MED23: variants seen among roughly 807,000 people sequenced by gnomAD.
The protein encoded by MED23 is mediator of RNA polymerase II transcription subunit 23.
A neutral mutation model predicts 163.9 loss-of-function variants in MED23; 105 were observed. The observed-to-expected ratio is 0.64, with a 90% CI of 0.55 to 0.75. MED23 has a LOEUF of 0.75. MED23 is among the 30% of genes least tolerant of loss of function. The pLI is 0.00. For missense variants in MED23, 1,054 were observed against 1,649.0 expected (o/e 0.64, Z 6.25); for synonymous variants, 561 against 565.6 (o/e 0.99, Z 0.12).
chr6:131,625,504 T>C (rs1777420050), intron 3 of MED23, among the ~76,000 whole-genome samples: 1 of 152,190 alleles, frequency 6.6e-6, no homozygotes, highest in African/African-American at 2.4e-5. Context: ...CAAAATGTTG[T>C]GCCCGTATCA....
intron 11 of MED23, among the ~76,000 whole-genome samples, chr6:131,608,480 T>C (rs1013559910): frequency 6.6e-6 from 1 of 152,186 alleles, no homozygotes; most frequent in African/African-American, 2.4e-5. Context: ...AAAGGATTTT[T>C]TTTTTTTAAT....
At position 131,598,543 on chromosome 6, in the gene MED23, G is replaced by GT. The variant is rs1562379201; in HGVS notation, c.2426+12dup. ...ATTTGCCAAATGGAATGCAAATTAG[G>GT]TTTTTGACTTACCTATAGCCAATCT... is the stretch of plus-strand genomic sequence containing the variant. On this transcript the variant is annotated intron_variant, in intron 19 of 28. Coordinates refer to ENST00000368068, the MANE Select transcript of MED23 (RefSeq NM_004830.4). The surrounding 1 kb of genome is among the most constrained non-coding windows in gnomAD (Gnocchi z 4.7). 2 of 1,613,970 alleles carry GT rather than the reference G, an allele frequency of 1.2e-6. No individual in the cohort carries two copies. The highest frequency in any genetic ancestry group is 1.3e-5 in the African/African-American group (1 of 75,030).
intron 5 of MED23, among the ~76,000 whole-genome samples, chr6:131,622,224 C>A (rs1777164060): frequency 6.6e-6 from 1 of 152,060 alleles, no homozygotes; most frequent in African/African-American, 2.4e-5. Context: ...GCTTTTTTGG[C>A]CCTCATAACA....
chr6:131,578,635 GT>G (rs1278118729), intron 30 of MED23, among the ~76,000 whole-genome samples: 2 of 152,112 alleles, frequency 1.3e-5, no homozygotes, highest in Non-Finnish European at 2.9e-5. Flanking sequence ...GTGTCTGTGT[GT>G]GTGTGTATCT....
chr6:131,617,411 T>C (rs1375688220), intron 9 of MED23, among the ~76,000 whole-genome samples: 5 of 151,228 alleles, frequency 3.3e-5, no homozygotes, highest in Non-Finnish European at 5.9e-5. Flanking sequence ...TAAAAGACTA[T>C]GCTATTGTAA....
intron 3 of MED23, among the ~76,000 whole-genome samples, chr6:131,625,265 C>T (rs893813780): frequency 6.6e-6 from 1 of 152,138 alleles, no homozygotes; most frequent in African/African-American, 2.4e-5. Flanking sequence ...AACATATTAA[C>T]GGTCAATAGA....
At chr6:131,590,618 C>T (rs918559512) in intron 26 of MED23, among the ~76,000 whole-genome samples, 176 bp from the exon 27 acceptor site, 2 of 152,204 alleles carry the variant, frequency 1.3e-5, no homozygotes, top group Admixed American at 6.5e-5. Context: ...ATTACTTTCA[C>T]TTGATTATTT....
intron 10 of MED23, among the ~76,000 whole-genome samples, chr6:131,612,980 T>C (rs928780088): frequency 7.9e-5 from 12 of 152,162 alleles, no homozygotes; most frequent in Non-Finnish European, 2.9e-5. Flanking sequence ...ATTTCAGTGA[T>C]GTAAATAAAT....
intron 3 of MED23, among the ~76,000 whole-genome samples, chr6:131,625,860 T>C (rs1212480297): frequency 6.6e-6 from 1 of 151,978 alleles, no homozygotes; most frequent in Admixed American, 6.5e-5. Context: ...CGGTGGCTCA[T>C]GCCTGTAATC....
downstream of MED23, chr6:131,584,279 C>T (rs1774089744): frequency 4.7e-6 from 1 of 210,946 alleles, no homozygotes; most frequent in Admixed American, 5.4e-5. Context: ...TACTATGTGT[C>T]CATGTCATTC....
chr6:131,614,988 T>C (rs1585544793), intron 10 of MED23, among the ~76,000 whole-genome samples: 1 of 125,668 alleles, frequency 8.0e-6, no homozygotes, highest in South Asian at 2.4e-4. Flanking sequence ...TAGGAAAAAG[T>C]AAATGGAGTG....
At chr6:131,580,278 C>A (rs142919558) in intron 30 of MED23, among the ~76,000 whole-genome samples, 1 of 152,242 alleles carries the variant, frequency 6.6e-6, no homozygotes, top group Non-Finnish European at 1.5e-5. Flanking sequence ...AACTGAGGCT[C>A]GCTTTCTTTG....
intron 15 of MED23, 110 bp downstream of exon 15, chr6:131,604,068 C>T (rs1263294920): frequency 1.3e-5 from 14 of 1,048,720 alleles, no homozygotes; most frequent in Non-Finnish European, 1.6e-5. Flanking sequence ...CCTCCATAAG[C>T]TCCATCATGG....
At chr6:131,589,781 T>C (rs945185031) in intron 27 of MED23, among the ~76,000 whole-genome samples, 185 bp from the exon 28 acceptor site, 1 of 152,164 alleles carries the variant, frequency 6.6e-6, no homozygotes. Context: ...AAAGAATCTA[T>C]AGTGCTACAA....
At position 131,628,185 on chromosome 6, in the gene MED23, C is replaced by G; in HGVS notation, c.-136G>C. 9.8e-7 allele frequency: 1 copy of G among 1,017,568 alleles called. No homozygotes were observed. Among genetic ancestry groups the G allele is most frequent in the Non-Finnish European group, 1.5e-6 (1 of 658,086 alleles). 63.0% of individuals were successfully genotyped at this position (1,017,568 alleles called of 1,614,324 possible). On this transcript the variant is annotated 5_prime_UTR_variant, in exon 1 of 29. Coordinates refer to ENST00000368068, the MANE Select transcript of MED23 (RefSeq NM_004830.4). Reference sequence around the variant, plus strand: ...CTCGGCGTCGCTTCCTCCCCCAGCGCTTTACCTGGAGCGTTCCCTCCCGAG... The same window carrying G: ...CTCGGCGTCGCTTCCTCCCCCAGCGGTTTACCTGGAGCGTTCCCTCCCGAG...
rs368486544 is a variant in MED23, at chr6:131,581,420, T to C, written c.4095+6289A>G. Reference sequence around the variant, plus strand: ...TACTCTAGTGCAATAGAATACTTTTTAGTAGACATTCAGGAGGTGGAAGGG... The same window carrying C: ...TACTCTAGTGCAATAGAATACTTTTCAGTAGACATTCAGGAGGTGGAAGGG... On this transcript the variant is annotated intron_variant, in intron 30 of 30. Coordinates refer to the MED23 transcript ENST00000354577. 75 of 1,576,270 alleles carry C rather than the reference T, an allele frequency of 4.8e-5. No homozygotes were observed. The Middle Eastern group carries it at 5.1e-4, about 11-fold the overall frequency.
At chr6:131,605,110 T>C (rs1775762307) in intron 14 of MED23, 130 bp downstream of exon 14, 2 of 930,442 alleles carry the variant, frequency 2.1e-6, no homozygotes, top group South Asian at 3.4e-5. Flanking sequence ...TGTAATAAAA[T>C]AAAGCTAACT....
chr6:131,590,317 T>C lies in MED23; in HGVS notation c.3807+5A>G, dbSNP rs797045700. The C allele has an allele frequency of 1.9e-6, 3 of 1,611,198 alleles. No individual in the cohort carries two copies. The highest frequency in any genetic ancestry group is 2.5e-6 in the Non-Finnish European group (3 of 1,177,912). On this transcript the variant is annotated splice_donor_5th_base_variant and intron_variant, in intron 27 of 28. Coordinates refer to ENST00000368068, the MANE Select transcript of MED23 (RefSeq NM_004830.4). ...ATGTCACAGGAAACCCAGATTATAT[T>C]TTACCTCTATCATACAACGAGTTCT...
chr6:131,621,758 AT>A (rs996056175), intron 6 of MED23, 122 bp downstream of exon 6: 621 of 551,226 alleles, frequency 1.1e-3, no homozygotes, highest in South Asian at 1.8e-3. Context: ...AATAGAAGTG[AT>A]TTTTTTTTGG....
Sources: allele counts gnomAD v4.1 joint callset (sites outside exome capture counted in the v4.1 genomes callset), GRCh38; gene constraint gnomAD v4.1.1; non-coding constraint Gnocchi (gnomAD v3.1); transcripts MANE v1.5; gene names NCBI Gene and HGNC (gene_info 2026-07-23, HGNC 2026-07-21).